CSNK1G1: variants seen among roughly 807,000 people sequenced by gnomAD.
CSNK1G1 encodes the protein casein kinase I isoform gamma-1.
Under a neutral mutation model 59.6 loss-of-function variants are expected in CSNK1G1, and 22 were observed. That is an observed-to-expected ratio of 0.37 (90% CI 0.26 to 0.53). The LOEUF (loss-of-function observed/expected upper bound fraction) is 0.53. Ranked by LOEUF, CSNK1G1 falls within the 20% of genes least tolerant of loss-of-function variation. The pLI, the probability that CSNK1G1 is intolerant of heterozygous loss-of-function variation, is 0.89. For missense variants in CSNK1G1, 384 were observed against 519.5 expected, an observed-to-expected ratio of 0.74 and a Z score of 2.54; for synonymous variants, 179 against 177.1, an observed-to-expected ratio of 1.01 and a Z score of -0.08.
chr15:64,216,509 G>T lies in CSNK1G1; in HGVS notation c.444+53C>A. On this transcript the variant is annotated intron_variant, in intron 5 of 11. Coordinates refer to ENST00000303052, the MANE Select transcript of CSNK1G1 (RefSeq NM_022048.5). This position sits in a 1 kb window ranked among gnomAD's most constrained non-coding sequence, Gnocchi z 4.6. ...AGTAAATCACCAAAAGGCCCACAAG[G>T]ATGTGGCTGAGGAACCAGCTTATTC... 6.4e-6 allele frequency: 10 copies of T among 1,559,572 alleles called. No individual in the cohort carries two copies. Among genetic ancestry groups the T allele is most frequent in the Non-Finnish European group, 8.8e-6 (10 of 1,134,232 alleles).
intron 4 of CSNK1G1, among the ~76,000 whole-genome samples, chr15:64,235,758 G>A (rs550786996): frequency 2.4e-4 from 37 of 152,264 alleles, no homozygotes; most frequent in African/African-American, 8.4e-4. Context: ...GTGCAACTCC[G>A]AGGTGACTGA....
intron 1 of CSNK1G1, among the ~76,000 whole-genome samples, chr15:64,308,985 C>A (rs944304266): frequency 1.3e-5 from 2 of 152,070 alleles, no homozygotes; most frequent in African/African-American, 4.8e-5. Context: ...TTAACTGTTC[C>A]CTTATATTTT....
chr15:64,327,690 GT>G (rs1200301302), intron 1 of CSNK1G1, among the ~76,000 whole-genome samples: 3 of 151,958 alleles, frequency 2.0e-5, no homozygotes, highest in Non-Finnish European at 4.4e-5. Flanking sequence ...TTTTGACGAG[GT>G]GAGAGAAGAA....
chr15:64,238,262 G>A (rs992195037), intron 4 of CSNK1G1, among the ~76,000 whole-genome samples: 1 of 151,060 alleles, frequency 6.6e-6, no homozygotes. Context: ...AGGTATATAC[G>A]CACATAAAAA....
intron 2 of CSNK1G1, 83 bp downstream of exon 2, chr15:64,300,236 A>C: frequency 7.3e-7 from 1 of 1,360,590 alleles, no homozygotes; most frequent in Non-Finnish European, 1.0e-6. Context: ...TTGTAAAACT[A>C]TAAACGGCTT....
chr15:64,179,476 C>T (rs927046477), intron 11 of CSNK1G1, among the ~76,000 whole-genome samples: 2 of 152,090 alleles, frequency 1.3e-5, no homozygotes, highest in African/African-American at 4.8e-5. Flanking sequence ...AAAACAAGAC[C>T]CTGGGATATC....
intron 7 of CSNK1G1, 112 bp downstream of exon 7, chr15:64,207,397 C>T: frequency 1.4e-6 from 1 of 715,844 alleles, no homozygotes; most frequent in South Asian, 1.7e-5. Context: ...AGGCATGAGC[C>T]ACCGCATCTG....
At chr15:64,198,893 T>C (rs973924309) in intron 10 of CSNK1G1, among the ~76,000 whole-genome samples, 1 of 151,980 alleles carries the variant, frequency 6.6e-6, no homozygotes. Context: ...GAAGGCGTTA[T>C]AACATTTACA....
intron 4 of CSNK1G1, among the ~76,000 whole-genome samples, chr15:64,223,365 T>G (rs1216728048): frequency 6.6e-6 from 1 of 152,234 alleles, no homozygotes; most frequent in East Asian, 1.9e-4. Flanking sequence ...GGGCAGATCC[T>G]TAAGTGCAAC....
intron 1 of CSNK1G1, among the ~76,000 whole-genome samples, chr15:64,304,914 C>A (rs1895582525): frequency 6.6e-6 from 1 of 152,164 alleles, no homozygotes; most frequent in African/African-American, 2.4e-5. Flanking sequence ...TTCTGATCTA[C>A]TACTTCTTCA....
intron 3 of CSNK1G1, among the ~76,000 whole-genome samples, chr15:64,257,109 T>C (rs1596170275): frequency 6.6e-6 from 1 of 151,728 alleles, no homozygotes; most frequent in Non-Finnish European, 1.5e-5. Flanking sequence ...TGAGACTTAT[T>C]TGAAAGAGAA....
intron 5 of CSNK1G1, among the ~76,000 whole-genome samples, chr15:64,215,011 C>T (rs1007149092): frequency 5.3e-5 from 8 of 150,752 alleles, no homozygotes; most frequent in African/African-American, 1.2e-4. Flanking sequence ...ATGTTGCCTA[C>T]GCTGGTCTCA....
chr15:64,229,018 C>CAAAAAAAAA (rs1218085247), intron 4 of CSNK1G1, among the ~76,000 whole-genome samples: 6 of 65,886 alleles, frequency 9.1e-5, no homozygotes, highest in Non-Finnish European at 1.3e-4. Flanking sequence ...GACTCTGTCT[C>CAAAAAAAAA]AAAAAAAAAA....
At chr15:64,242,700 T>C (rs1891537039) in intron 4 of CSNK1G1, among the ~76,000 whole-genome samples, 1 of 152,186 alleles carries the variant, frequency 6.6e-6, no homozygotes, top group African/African-American at 2.4e-5. Flanking sequence ...ATTAGAAAAG[T>C]GAAGAGGAGA....
intron 7 of CSNK1G1, among the ~76,000 whole-genome samples, chr15:64,206,450 C>G (rs1009899124): frequency 6.6e-6 from 1 of 151,360 alleles, no homozygotes; most frequent in Admixed American, 6.6e-5. Context: ...AAAACAAAAA[C>G]CAAAAAATTA....
At chr15:64,322,017 TTACTC>T (rs1263412996) in intron 1 of CSNK1G1, among the ~76,000 whole-genome samples, 2 of 152,162 alleles carry the variant, frequency 1.3e-5, no homozygotes, top group African/African-American at 2.4e-5. Context: ...CTTAACTAAA[TTACTC>T]TAAGTAGTAA....
intron 2 of CSNK1G1, among the ~76,000 whole-genome samples, chr15:64,288,778 G>A (rs142245548): frequency 3.0e-4 from 45 of 152,150 alleles, no homozygotes; most frequent in African/African-American, 9.9e-4. Flanking sequence ...TTTTCCTTAG[G>A]ATGCATGATG....
intron 4 of CSNK1G1, among the ~76,000 whole-genome samples, chr15:64,235,448 C>T (rs571700589): frequency 2.6e-4 from 39 of 152,282 alleles, no homozygotes; most frequent in Middle Eastern, 3.4e-3. Context: ...GAAATTTCAG[C>T]CCCAAAGTGG....
chr15:64,274,536 A>G (rs559990202), intron 2 of CSNK1G1, among the ~76,000 whole-genome samples: 121 of 152,332 alleles, frequency 7.9e-4, no homozygotes, highest in African/African-American at 2.9e-3. Context: ...CTGTTGCACA[A>G]AATCCACAAC....
Sources: allele counts gnomAD v4.1 joint callset (sites outside exome capture counted in the v4.1 genomes callset), GRCh38; gene constraint gnomAD v4.1.1; non-coding constraint Gnocchi (gnomAD v3.1); transcripts MANE v1.5; gene names NCBI Gene and HGNC (gene_info 2026-07-23, HGNC 2026-07-21).